CIITA: variants seen among roughly 807,000 people sequenced by gnomAD.
The protein encoded by CIITA is class II major histocompatibility complex transactivator.
A neutral mutation model predicts 115.1 loss-of-function variants in CIITA; 72 were observed. The ratio of observed to expected loss-of-function variants is 0.63; its 90% CI spans 0.52 to 0.76. CIITA has a LOEUF of 0.76. Ranked by LOEUF, CIITA falls within the 30% of genes least tolerant of loss-of-function variation. CIITA has a pLI of 0.00. For synonymous variants in CIITA, 763 were observed against 635.6 expected, an observed-to-expected ratio of 1.20 and a Z score of -3.02; for missense variants, 1,617 against 1,463.8, an observed-to-expected ratio of 1.10 and a Z score of -1.71.
chr16:10,887,092 A>T (rs1240959091), intron 1 of CIITA, among the ~76,000 whole-genome samples: 1 of 152,158 alleles, frequency 6.6e-6, no homozygotes, highest in Non-Finnish European at 1.5e-5. Context: ...AGGGTGCATG[A>T]GCAAAAGCGG....
chr16:10,906,588 G>A lies in CIITA; in HGVS notation c.1096G>A (p.Val366Met). The A allele has an allele frequency of 6.2e-7, 1 of 1,613,664 alleles. No individual in the cohort carries two copies. ...PDGILVEVDL[V>M]QARLERSSSK... ...TGGCATCCTAGTGGAGGTGGATCTG[G>A]TGCAGGCCAGGCTGGAGAGGAGCAG... Residue 366 changes from valine to methionine, a missense_variant, in exon 11 of 20, where the codon GTG becomes ATG. Coordinates refer to ENST00000324288, the MANE Select transcript of CIITA (RefSeq NM_000246.4).
chr16:10,915,497 C>T, intron 13 of CIITA, 73 bp from the exon 14 acceptor site: 1 of 1,226,646 alleles, frequency 8.2e-7, no homozygotes, highest in South Asian at 1.2e-5. Flanking sequence ...TGCCTTGTCT[C>T]TGCCCCACCC....
In CIITA at chr16:10,923,123, A is replaced by G. The variant is rs2040364307; in HGVS notation, c.3318-105A>G. On this transcript the variant is annotated intron_variant, in intron 18 of 19. Transcript: ENST00000324288. This position sits in a 1 kb window ranked among gnomAD's most constrained non-coding sequence, Gnocchi z 5.2. ...TATCTTGCCAGGGGAAAAGTCCCCA[A>G]CGTTCTAGGCTGGGTGGAAGGAGGG... The G allele has an allele frequency of 3.1e-6, 3 of 982,112 alleles. No individual in the cohort carries two copies. The highest frequency in any genetic ancestry group is 4.9e-6 in the Non-Finnish European group (3 of 616,322). 60.8% of individuals were successfully genotyped at this position (982,112 alleles called of 1,614,324 possible). A position where few individuals can be genotyped will look rare whatever the true frequency, so the allele number is the denominator to read the frequency against.
At chr16:10,918,357 C>A (rs1343358777) in intron 15 of CIITA, 83 bp from the exon 16 acceptor site, 2 of 1,211,698 alleles carry the variant, frequency 1.7e-6, no homozygotes, top group Non-Finnish European at 2.5e-6. Context: ...CCATTCACAG[C>A]CTATGACCCA....
At position 10,903,191 on chromosome 16, in the gene CIITA, T is replaced by C. The variant is rs551049446; in HGVS notation, c.772+390T>C. On this transcript the variant is annotated intron_variant, in intron 8 of 19. Transcript: ENST00000324288. ...CACTCTTTTAGTATACTGATGTGAA[T>C]AGTTTGGTGTGCATCCTTGCATAGC... 1.1e-4 allele frequency among the ~76,000 whole-genome samples: 16 copies of C among 152,342 alleles called. 1 individual carries two copies. In the South Asian group the frequency reaches 3.1e-3, roughly 30 times the overall value.
upstream of CIITA, among the ~76,000 whole-genome samples, chr16:10,873,652 G>A (rs1339580581): frequency 1.3e-5 from 2 of 152,162 alleles, no homozygotes; most frequent in Non-Finnish European, 2.9e-5. Flanking sequence ...CTGCAGCAAG[G>A]ACCGGCAATT....
intron 16 of CIITA, among the ~76,000 whole-genome samples, chr16:10,919,024 T>C (rs1196609676): frequency 6.6e-6 from 1 of 152,104 alleles, no homozygotes; most frequent in African/African-American, 2.4e-5. Flanking sequence ...CGGACTGAGC[T>C]TGGACCAGAG....
At chr16:10,911,937 T>A (rs978735281) in intron 13 of CIITA, among the ~76,000 whole-genome samples, 1 of 152,156 alleles carries the variant, frequency 6.6e-6, no homozygotes, top group Non-Finnish European at 1.5e-5. Context: ...CATCTCCCCA[T>A]TGTACAAATG....
Position 10,928,865 on chromosome 16 carries a change from T to TAAA in CIITA, c.*5017_*5019dup. On this transcript the variant is annotated 3_prime_UTR_variant, in exon 20 of 20. Transcript: ENST00000324288. ...GAACTCCTTTCCCGAATCTCAAAGT[T>TAAA]AAAAAAAAAGGCAGGGCCCCAGGGG... 1 of 151,512 alleles carries TAAA rather than the reference T, an allele frequency of 6.6e-6. No individual in the cohort carries two copies. The highest frequency in any genetic ancestry group is 1.9e-4 in the East Asian group (1 of 5,164). The allele number at this position is 151,512 out of a possible 1,614,324, so 9.4% of individuals were successfully genotyped here. A position where few individuals can be genotyped will look rare whatever the true frequency, so the allele number is the denominator to read the frequency against.
chr16:10,940,441 T>C (rs1160243068), downstream of CIITA: 1 of 152,278 alleles, frequency 6.6e-6, no homozygotes, highest in Non-Finnish European at 1.5e-5. The surrounding 1 kb of genome is among the most constrained non-coding windows in gnomAD (Gnocchi z 4.2). Context: ...CTCAGCCTGC[T>C]TGCGGTGAAT....
At chr16:10,904,608 C>A in intron 9 of CIITA, 136 bp from the exon 10 acceptor site, 1 of 852,898 alleles carries the variant, frequency 1.2e-6, no homozygotes, top group Non-Finnish European at 2.0e-6. Context: ...TAGATACAGC[C>A]TCAGGCCGCT....
intron 1 of CIITA, chr16:10,866,480 A>G (rs1180651339): frequency 1.8e-6 from 1 of 562,756 alleles, no homozygotes; most frequent in East Asian, 3.9e-5. Flanking sequence ...CTACTAGAGA[A>G]AGGAGACCTG....
chr16:10,915,721 C>T (rs968183078), intron 14 of CIITA, 71 bp downstream of exon 14: 2 of 1,362,594 alleles, frequency 1.5e-6, no homozygotes, highest in Non-Finnish European at 2.1e-6. Context: ...CTCACTGCAG[C>T]CTCGAATTCC....
At chr16:10,876,735 C>T (rs2035874095), upstream of CIITA, among the ~76,000 whole-genome samples, 1 of 152,156 alleles carries the variant, frequency 6.6e-6, no homozygotes, top group South Asian at 2.1e-4. Flanking sequence ...ACAGGTGGGC[C>T]ACTTATGATC....
chr16:10,868,632 C>T (rs939964416), intron 1 of CIITA, among the ~76,000 whole-genome samples: 20 of 152,146 alleles, frequency 1.3e-4, no homozygotes, highest in African/African-American at 4.8e-4. Flanking sequence ...ACAGATGCCA[C>T]CTGGGGGAGA....
rs1460969003 is a variant in CIITA at position 10,931,596 on chromosome 16, C to T, written c.*7741C>T. 6.6e-6 allele frequency: 1 copy of T among 152,234 alleles called. No homozygotes were observed. The highest frequency in any genetic ancestry group is 2.4e-5 in the African/African-American group (1 of 41,452). The allele number at this position is 152,234 out of a possible 1,614,324, so 9.4% of individuals were successfully genotyped here. A position where few individuals can be genotyped will look rare whatever the true frequency, so the allele number is the denominator to read the frequency against. On this transcript the variant is annotated 3_prime_UTR_variant, in exon 20 of 20. Transcript: ENST00000324288. The stretch of plus-strand genomic sequence containing the variant: ...AAGTCGCTCACACCTGTAATCCCAA[C>T]ACTTTGGGAGGCTAAGGTGGGTGGA...
At chr16:10,895,644 T>C (rs538497415) in intron 2 of CIITA, 25 bp from the exon 3 acceptor site, 2 of 1,613,932 alleles carry the variant, frequency 1.2e-6, no homozygotes, top group South Asian at 2.2e-5. Context: ...ATTTCCTTCT[T>C]CATCCAAGGG....
chr16:10,880,824 G>A (rs2036348166), intron 1 of CIITA, among the ~76,000 whole-genome samples: 1 of 152,200 alleles, frequency 6.6e-6, no homozygotes. Flanking sequence ...ACTGACAAGT[G>A]ACTTCCCCTC....
chr16:10,905,050 AC>A (rs1199245632), intron 10 of CIITA, among the ~76,000 whole-genome samples: 3 of 152,214 alleles, frequency 2.0e-5, no homozygotes, highest in African/African-American at 7.2e-5. Context: ...GGGTGTTAAC[AC>A]TTCATTGTCA....
Sources: allele counts gnomAD v4.1 joint callset (sites outside exome capture counted in the v4.1 genomes callset), GRCh38; gene constraint gnomAD v4.1.1; non-coding constraint Gnocchi (gnomAD v3.1); transcripts MANE v1.5; gene names NCBI Gene and HGNC (gene_info 2026-07-23, HGNC 2026-07-21).